The following PPP3CB variants were observed in gnomAD, a reference collection of about 807,000 sequenced individuals.
The protein encoded by PPP3CB is protein phosphatase 3 catalytic subunit beta.
PPP3CB carries 8 observed loss-of-function variants against 66.4 expected under a neutral mutation model. The ratio of observed to expected loss-of-function variants is 0.12; its 90% CI spans 0.07 to 0.22. The LOEUF (loss-of-function observed/expected upper bound fraction) is 0.22, where lower values mean the gene tolerates loss of function less well. Ranked by LOEUF, PPP3CB falls within the 10% of genes least tolerant of loss-of-function variation. The probability of loss-of-function intolerance (pLI) is 1.00; values close to 1 mark genes in which losing one functional copy is unlikely to be tolerated. For missense variants in PPP3CB, 319 were observed against 642.5 expected, an observed-to-expected ratio of 0.50 and a Z score of 5.44; for synonymous variants, 208 against 221.2, an observed-to-expected ratio of 0.94 and a Z score of 0.53.
chr10:73,481,165 CTT>C (rs1042746700), intron 1 of PPP3CB, among the ~76,000 whole-genome samples: 18 of 129,032 alleles, frequency 1.4e-4, no homozygotes, highest in African/African-American at 1.7e-4. Flanking sequence ...ATTTTTTTTT[CTT>C]TTTTTTTTTT....
chr10:73,468,892 G>T (rs547729486), intron 8 of PPP3CB, among the ~76,000 whole-genome samples: 2 of 152,232 alleles, frequency 1.3e-5, no homozygotes, highest in African/African-American at 4.8e-5. Flanking sequence ...CAGATCTTTT[G>T]TAAGGGATAA....
intron 1 of PPP3CB, among the ~76,000 whole-genome samples, chr10:73,484,640 T>C (rs546180599): frequency 6.6e-6 from 1 of 152,116 alleles, no homozygotes; most frequent in Non-Finnish European, 1.5e-5. Flanking sequence ...TTTCAGACTA[T>C]GTTTCCTTAC....
chr10:73,457,774 A>G (rs2056453752), intron 9 of PPP3CB, among the ~76,000 whole-genome samples: 1 of 151,992 alleles, frequency 6.6e-6, no homozygotes, highest in South Asian at 2.1e-4. Flanking sequence ...AGAAAGTGAA[A>G]GTGGAATGGG....
chr10:73,493,972 G>A (rs557489120), intron 1 of PPP3CB, among the ~76,000 whole-genome samples: 31 of 152,230 alleles, frequency 2.0e-4, no homozygotes, highest in African/African-American at 6.5e-4. Flanking sequence ...ATTCACAAAC[G>A]TAAGGATAGC....
intron 3 of PPP3CB, among the ~76,000 whole-genome samples, chr10:73,477,713 T>C (rs2056814170): frequency 6.6e-6 from 1 of 152,128 alleles, no homozygotes; most frequent in African/African-American, 2.4e-5. Flanking sequence ...GCCCAGGAGT[T>C]CAAGACCAGC....
At chr10:73,444,460 A>T in intron 12 of PPP3CB, 1 of 947,772 alleles carries the variant, frequency 1.1e-6, no homozygotes, top group Non-Finnish European at 1.5e-6. Flanking sequence ...AGACATTATG[A>T]TATGAGCTGC....
chr10:73,479,924 G>C (rs1333249845), intron 1 of PPP3CB, among the ~76,000 whole-genome samples: 1 of 152,016 alleles, frequency 6.6e-6, no homozygotes, highest in African/African-American at 2.4e-5. Context: ...CTACTTCGTA[G>C]GCTGGGGCAG....
At chr10:73,487,578 A>C (rs1426976935) in intron 1 of PPP3CB, among the ~76,000 whole-genome samples, 3 of 151,114 alleles carry the variant, frequency 2.0e-5, no homozygotes, top group Non-Finnish European at 2.9e-5. Context: ...AAAAAAAAAA[A>C]AAAAAACAAA....
chr10:73,460,129 A>G (rs968939224), intron 9 of PPP3CB, among the ~76,000 whole-genome samples: 5 of 152,184 alleles, frequency 3.3e-5, no homozygotes, highest in African/African-American at 1.2e-4. Context: ...GGGAAGGTCC[A>G]AGGACTTTGT....
Position 73,470,636 on chromosome 10 carries a change from CAATT to C in PPP3CB, c.982+47_982+50del, listed in dbSNP as rs764562909. The C allele has an allele frequency of 1.7e-5, 20 of 1,171,604 alleles. No individual in the cohort carries two copies. In the African/African-American group the frequency reaches 2.5e-4, roughly 15 times the overall value. 72.6% of individuals were successfully genotyped at this position (1,171,604 alleles called of 1,614,324 possible). ...CCTTTTTTATTATATTAAAAAAAGT[CAATT>C]AAAATACTAAGTTGTTTAACAATTT... On this transcript the variant is annotated intron_variant, in intron 8 of 13. Coordinates refer to ENST00000360663, the MANE Select transcript of PPP3CB (RefSeq NM_021132.4).
At chr10:73,481,582 T>C (rs968935949) in intron 1 of PPP3CB, among the ~76,000 whole-genome samples, 1 of 150,276 alleles carries the variant, frequency 6.7e-6, no homozygotes, top group African/African-American at 2.5e-5. Flanking sequence ...AGCTTGGAAA[T>C]GTACAGAACC....
chr10:73,440,997 T>C (rs906657111), intron 12 of PPP3CB, among the ~76,000 whole-genome samples: 5 of 152,214 alleles, frequency 3.3e-5, no homozygotes, highest in African/African-American at 1.2e-4. Context: ...GTTTACAATA[T>C]TGTCCATTCC....
At chr10:73,456,854 CT>C (rs1456809379) in intron 9 of PPP3CB, among the ~76,000 whole-genome samples, 2 of 152,166 alleles carry the variant, frequency 1.3e-5, no homozygotes, top group East Asian at 3.9e-4. Flanking sequence ...AATTAAAAAA[CT>C]TTTTGAAAGA....
rs576078616 is a variant in PPP3CB at position 73,468,717 on chromosome 10, T to C, written c.983-1039A>G. Among the ~76,000 whole-genome samples, 4 of 152,344 alleles carry C rather than the reference T, an allele frequency of 2.6e-5. No individual in the cohort carries two copies. The South Asian group carries it at 8.3e-4, about 32-fold the overall frequency. On this transcript the variant is annotated intron_variant, in intron 8 of 13. Transcript: ENST00000360663. ...AATAGAGAATCAAAAGTAATCCTGC[T>C]ACATGTTACTGTTTACTAACTTAAT...
intron 13 of PPP3CB, 147 bp downstream of exon 13, chr10:73,439,725 G>A: frequency 1.3e-6 from 1 of 795,230 alleles, no homozygotes; most frequent in South Asian, 2.0e-5. Context: ...AAAAAAAGAG[G>A]GCTGCAAGGC....
intron 1 of PPP3CB, among the ~76,000 whole-genome samples, chr10:73,482,970 A>C (rs1176981305): frequency 6.6e-6 from 1 of 152,162 alleles, no homozygotes; most frequent in Non-Finnish European, 1.5e-5. Context: ...TAATTGCTGA[A>C]TTCTGTTCAA....
chr10:73,472,133 T>C (rs1303901187), intron 4 of PPP3CB, among the ~76,000 whole-genome samples: 2 of 152,230 alleles, frequency 1.3e-5, no homozygotes, highest in Admixed American at 1.3e-4. Context: ...AAGCAAAATA[T>C]TTGCTCTCTA....
chr10:73,475,445 A>T (rs1260634271), intron 3 of PPP3CB, among the ~76,000 whole-genome samples: 1 of 152,186 alleles, frequency 6.6e-6, no homozygotes, highest in East Asian at 1.9e-4. Flanking sequence ...TTATTCCTCA[A>T]ACAACACTAT....
At chr10:73,490,973 C>G (rs1453653116) in intron 1 of PPP3CB, among the ~76,000 whole-genome samples, 2 of 149,836 alleles carry the variant, frequency 1.3e-5, no homozygotes, top group Non-Finnish European at 1.5e-5. Context: ...GTTAGGATTA[C>G]AGGTGCGTGC....
Sources: gnomAD v4.1 joint callset for allele counts (sites outside exome capture counted in the v4.1 genomes callset) on GRCh38, gnomAD v4.1.1 for gene constraint, MANE v1.5 for transcripts, NCBI Gene and HGNC (gene_info 2026-07-23, HGNC 2026-07-21) for gene names.